The following IKZF2 variants were observed in gnomAD, a reference collection of about 807,000 sequenced individuals.
The protein encoded by IKZF2 is zinc finger protein Helios.
Under a neutral mutation model 49.2 loss-of-function variants are expected in IKZF2, and 15 were observed. That is an observed-to-expected ratio of 0.30 (90% CI 0.20 to 0.47). The LOEUF is 0.47. Ranked by LOEUF, IKZF2 falls within the 20% of genes least tolerant of loss-of-function variation. The pLI, the probability that IKZF2 is intolerant of heterozygous loss-of-function variation, is 1.00. For synonymous variants in IKZF2, 227 were observed against 221.4 expected, an observed-to-expected ratio of 1.03 and a Z score of -0.23; for missense variants, 567 against 664.6, an observed-to-expected ratio of 0.85 and a Z score of 1.61.
intron 7 of IKZF2, among the ~76,000 whole-genome samples, chr2:213,020,925 A>G (rs1329778840): frequency 6.6e-6 from 1 of 152,212 alleles, no homozygotes; most frequent in African/African-American, 2.4e-5. Context: ...TAAAAGATAT[A>G]CAAGTGGCCA....
intron 4 of IKZF2, among the ~76,000 whole-genome samples, chr2:213,131,240 A>G (rs1052447245): frequency 1.3e-5 from 2 of 152,212 alleles, no homozygotes; most frequent in Non-Finnish European, 2.9e-5. Context: ...TGGAATCAAC[A>G]GAACTGTCTT....
At chr2:213,053,064 G>A (rs542170862) in intron 5 of IKZF2, among the ~76,000 whole-genome samples, 2 of 152,106 alleles carry the variant, frequency 1.3e-5, no homozygotes, top group East Asian at 1.9e-4. Flanking sequence ...TATTAATCAT[G>A]TTCTTCATAT....
chr2:213,008,215 CTCTATAAG>C, intron 8 of IKZF2, 131 bp from the exon 9 acceptor site: 1 of 1,100,276 alleles, frequency 9.1e-7, no homozygotes, highest in Non-Finnish European at 1.3e-6. Flanking sequence ...GTATATATTA[CTCTATAAG>C]TCAAGTATTT....
intron 4 of IKZF2, among the ~76,000 whole-genome samples, chr2:213,103,102 T>C (rs1362544686): frequency 1.3e-5 from 2 of 152,124 alleles, no homozygotes; most frequent in Admixed American, 1.3e-4. Flanking sequence ...ATACAACTAA[T>C]CTAACAATCT....
At chr2:213,008,230 A>G (rs17355918) in intron 8 of IKZF2, 146 bp from the exon 9 acceptor site, 228,167 of 970,398 alleles carry the variant, frequency 0.24, 29,936 homozygotes, top group Non-Finnish European at 0.26. Flanking sequence ...TAAGTCAAGT[A>G]TTTGGGCAAT....
At chr2:213,058,059 G>A (rs549907879) in intron 4 of IKZF2, among the ~76,000 whole-genome samples, 1 of 151,990 alleles carries the variant, frequency 6.6e-6, no homozygotes, top group African/African-American at 2.4e-5. Context: ...AAGTTACTAA[G>A]CAAAACAACT....
intron 6 of IKZF2, among the ~76,000 whole-genome samples, chr2:213,032,054 T>C (rs1041759232): frequency 7.2e-5 from 11 of 152,124 alleles, no homozygotes; most frequent in Admixed American, 2.0e-4. Context: ...GGCCAGGAGA[T>C]GGTACAGTAA....
chr2:213,056,675 G>C (rs910768639), intron 5 of IKZF2, 158 bp downstream of exon 5: 3 of 865,942 alleles, frequency 3.5e-6, no homozygotes, highest in African/African-American at 1.7e-5. Flanking sequence ...CAAGACCCAG[G>C]CTACTCTCTG....
At chr2:213,119,710 T>C (rs959556889) in intron 4 of IKZF2, among the ~76,000 whole-genome samples, 11 of 152,214 alleles carry the variant, frequency 7.2e-5, no homozygotes, top group Non-Finnish European at 1.3e-4. Flanking sequence ...ACTTGGGTAC[T>C]GAATGCAAGG....
chr2:213,112,815 G>A (rs2059756746), intron 4 of IKZF2, among the ~76,000 whole-genome samples: 1 of 152,026 alleles, frequency 6.6e-6, no homozygotes, highest in South Asian at 2.1e-4. Context: ...CCTCTTAATG[G>A]CTTTTAATTG....
At chr2:213,143,873 G>C (rs952001679) in intron 4 of IKZF2, among the ~76,000 whole-genome samples, 17 of 151,912 alleles carry the variant, frequency 1.1e-4, no homozygotes, top group African/African-American at 3.9e-4. Context: ...ATATGGGCCA[G>C]TATTGGACAC....
At chr2:213,098,003 A>T (rs1435158339) in intron 4 of IKZF2, 1 of 275,300 alleles carries the variant, frequency 3.6e-6, no homozygotes, top group African/African-American at 2.2e-5. Flanking sequence ...TGATTAAAAC[A>T]GTTAACATGA....
At chr2:213,060,101 T>C (rs1356942353) in intron 4 of IKZF2, among the ~76,000 whole-genome samples, 3 of 151,296 alleles carry the variant, frequency 2.0e-5, no homozygotes, top group Non-Finnish European at 4.4e-5. Context: ...TAACTAATCT[T>C]TCACCCATCT....
chr2:213,139,214 G>A (rs920229740), intron 4 of IKZF2, among the ~76,000 whole-genome samples: 1 of 151,834 alleles, frequency 6.6e-6, no homozygotes, highest in African/African-American at 2.4e-5. Context: ...TGAATCTGGG[G>A]GATTTAGCCT....
chr2:213,097,329 G>T (rs1224707283), intron 4 of IKZF2, among the ~76,000 whole-genome samples: 1 of 151,692 alleles, frequency 6.6e-6, no homozygotes. Flanking sequence ...TTCTATCTCT[G>T]CCATAATTGA....
intron 4 of IKZF2, among the ~76,000 whole-genome samples, chr2:213,078,546 G>A (rs934585345): frequency 2.6e-5 from 4 of 152,126 alleles, no homozygotes; most frequent in Non-Finnish European, 4.4e-5. Context: ...AAACTGAATC[G>A]CAGAAAACAG....
chr2:213,125,458 T>C (rs1005737448), intron 4 of IKZF2, among the ~76,000 whole-genome samples: 3 of 152,298 alleles, frequency 2.0e-5, no homozygotes, highest in Admixed American at 6.5e-5. Flanking sequence ...GTAGATACCA[T>C]CTTCCCCCAT....
At chr2:213,112,331 C>G (rs1488339129) in intron 4 of IKZF2, among the ~76,000 whole-genome samples, 4 of 139,836 alleles carry the variant, frequency 2.9e-5, no homozygotes, top group African/African-American at 1.2e-4. Context: ...TTTTTTGACC[C>G]AGACAGACAA....
chr2:213,071,584 T>A (rs189431656), intron 4 of IKZF2, among the ~76,000 whole-genome samples: 15 of 152,212 alleles, frequency 9.9e-5, no homozygotes, highest in Non-Finnish European at 1.8e-4. Context: ...TCTGTTTATA[T>A]TAGGTGGAGA....
Sources: allele counts gnomAD v4.1 joint callset (sites outside exome capture counted in the v4.1 genomes callset), GRCh38; gene constraint gnomAD v4.1.1; transcripts MANE v1.5; gene names NCBI Gene and HGNC (gene_info 2026-07-23, HGNC 2026-07-21).